TRPV3: variants seen among roughly 807,000 people sequenced by gnomAD.
The protein encoded by TRPV3 is transient receptor potential cation channel subfamily V member 3.
In TRPV3, 88 loss-of-function variants were observed where a neutral mutation model predicts 87.1. The ratio of observed to expected loss-of-function variants is 1.01; its 90% CI spans 0.85 to 1.21. TRPV3 has a LOEUF of 1.21. TRPV3 is among the 50% of genes most tolerant of loss of function. The probability of loss-of-function intolerance (pLI) is 0.00; values close to 1 mark genes in which losing one functional copy is unlikely to be tolerated. For missense variants in TRPV3, 1,054 were observed against 1,030.1 expected, an observed-to-expected ratio of 1.02 and a Z score of -0.32; for synonymous variants, 438 against 423.3, an observed-to-expected ratio of 1.03 and a Z score of -0.43.
Position 3,528,067 on chromosome 17 carries a change from C to G in TRPV3, c.1461G>C (p.Arg487Ser). 6.2e-7 allele frequency: 1 copy of G among 1,613,782 alleles called. No homozygotes were observed. Among genetic ancestry groups the G allele is most frequent in the Non-Finnish European group, 8.5e-7 (1 of 1,179,960 alleles). ...HKMGWLQLLG[R>S]MFVLIWAMCI... is the part of the protein sequence containing the mutation. The stretch of plus-strand genomic sequence containing the variant: ...ACATGGCCCAGATGAGCACAAACAT[C>G]CTCCCTAGGAGCTGCAGCCACCCCA... The change falls in exon 11 of 18, where the codon AGG becomes AGC. Residue 487 changes from arginine to serine, a missense_variant. Arg to Ser is a moderately radical substitution (Grantham distance 110). Coordinates refer to ENST00000576742, the MANE Select transcript of TRPV3 (RefSeq NM_145068.4). The surrounding 1 kb of genome is among the most constrained non-coding windows in gnomAD (Gnocchi z 4.2).
chr17:3,531,401 A>T (rs975682791), intron 8 of TRPV3, among the ~76,000 whole-genome samples: 2 of 152,064 alleles, frequency 1.3e-5, no homozygotes, highest in African/African-American at 4.8e-5. Context: ...GCTTCTAGGG[A>T]TAAGGCCAGG....
chr17:3,545,959 C>T (rs1026362312), intron 2 of TRPV3, among the ~76,000 whole-genome samples: 6 of 146,470 alleles, frequency 4.1e-5, no homozygotes, highest in African/African-American at 1.5e-4. Context: ...CACTGCACTC[C>T]AGGCTGCGTG....
chr17:3,553,533 G>A (rs2150809123), intron 2 of TRPV3: 1 of 152,938 alleles, frequency 6.5e-6, no homozygotes, highest in South Asian at 2.1e-4. Flanking sequence ...CCCACTCTGA[G>A]CCATGGCTCT....
At chr17:3,540,001 G>C (rs1443648762) in intron 6 of TRPV3, among the ~76,000 whole-genome samples, 1 of 151,774 alleles carries the variant, frequency 6.6e-6, no homozygotes, top group African/African-American at 2.4e-5. Flanking sequence ...CCTGAACCCG[G>C]GAGGCAGAGG....
chr17:3,555,891 C>T (rs138838420), intron 1 of TRPV3, among the ~76,000 whole-genome samples: 1 of 152,246 alleles, frequency 6.6e-6, no homozygotes, highest in East Asian at 1.9e-4. Flanking sequence ...AGAGCTGTGG[C>T]TTCAGGCAGG....
chr17:3,513,967 T>G lies in TRPV3; in HGVS notation c.2323A>C (p.Thr775Pro). 1 of 1,614,090 alleles carries G rather than the reference T, an allele frequency of 6.2e-7. No individual in the cohort carries two copies. The highest frequency in any genetic ancestry group is 8.5e-7 in the Non-Finnish European group (1 of 1,179,966). ...TCGACTTCTTCAAATGCATTGAGAG[T>G]GGTTTTGCTGTTGTTCCTGGAAGAA... ...QDSSRNNSKT[T>P]LNAFEEVEEF... Residue 775 changes from threonine (T) to proline (P), a missense_variant, in exon 18 of 18, where the codon ACT becomes CCT. Physicochemically the swap from Thr to Pro is conservative, Grantham distance 38. Coordinates refer to ENST00000576742, the MANE Select transcript of TRPV3 (RefSeq NM_145068.4).
Position 3,514,678 on chromosome 17 carries a change from A to C in TRPV3, c.2199-6T>G. The C allele has an allele frequency of 6.2e-7, 1 of 1,609,848 alleles. No individual in the cohort carries two copies. The highest frequency in any genetic ancestry group is 1.7e-5 in the Admixed American group (1 of 59,996). On this transcript the variant is annotated splice_region_variant and splice_polypyrimidine_tract_variant and intron_variant, in intron 16 of 17. Coordinates refer to ENST00000576742, the MANE Select transcript of TRPV3 (RefSeq NM_145068.4). ...TCCACTTCACCTCATTGATCCTGCAAATGTGATAATCATTCTTACTATTTC... is the reference window on the plus strand; with the variant it reads ...TCCACTTCACCTCATTGATCCTGCACATGTGATAATCATTCTTACTATTTC...
chr17:3,522,997 G>T (rs919558374), intron 13 of TRPV3, among the ~76,000 whole-genome samples: 2 of 151,918 alleles, frequency 1.3e-5, no homozygotes, highest in Non-Finnish European at 1.5e-5. Flanking sequence ...TTCATGGGGG[G>T]TCTTAGAACA....
chr17:3,522,088 A>G (rs1308408746), intron 13 of TRPV3, among the ~76,000 whole-genome samples: 4 of 152,126 alleles, frequency 2.6e-5, no homozygotes, highest in Non-Finnish European at 4.4e-5. Flanking sequence ...AAAATTAATT[A>G]ATTAATTAAT....
chr17:3,546,564 T>C lies in TRPV3; in HGVS notation c.120-1293A>G. The C allele has an allele frequency of 6.8e-6, 3 of 438,810 alleles. No individual in the cohort carries two copies. The Admixed American group carries it at 7.2e-5, about 11-fold the overall frequency. The allele number at this position is 438,810 out of a possible 1,614,324, so 27.2% of individuals were successfully genotyped here. On this transcript the variant is annotated intron_variant, in intron 2 of 17. Transcript: ENST00000576742. ...TCTCCTCTTGTCCTGTAGTGTCAAT[T>C]AGCTGCTAATTTACAATGTCAAGGT...
rs112244087 is a variant in TRPV3 at position 3,556,032 on chromosome 17, C to T, written c.-2-1180G>A. Reference sequence around the variant, plus strand: ...TCTCTACTAAAATACAAAAAATTAGCCGGGCATGGTGGTACATGCCTGTAG... The same window carrying T: ...TCTCTACTAAAATACAAAAAATTAGTCGGGCATGGTGGTACATGCCTGTAG... On this transcript the variant is annotated intron_variant, in intron 1 of 17. Coordinates refer to ENST00000576742, the MANE Select transcript of TRPV3 (RefSeq NM_145068.4). This position sits in a 1 kb window ranked among gnomAD's most constrained non-coding sequence, Gnocchi z 4.2. Among the ~76,000 whole-genome samples the T allele has an allele frequency of 5.5e-4, 83 of 152,126 alleles. 2 individuals are homozygous for T. The highest frequency in any genetic ancestry group is 2.0e-3 in the African/African-American group (82 of 41,502).
rs34610978 is a variant in TRPV3 at position 3,517,619 on chromosome 17, C to CAAAAA, written c.2085+952_2085+956dup. ...TGGGCAACAGAGCAAGACCCTGTCT[C>CAAAAA]AAAAAAAAAAAAAAAAAAAAAAGGA... On this transcript the variant is annotated intron_variant, in intron 15 of 17. Transcript: ENST00000576742. Among the ~76,000 whole-genome samples, 44 of 65,360 alleles carry CAAAAA rather than the reference C, an allele frequency of 6.7e-4. 1 individual carries two copies. Among genetic ancestry groups the CAAAAA allele is most frequent in the African/African-American group, 2.9e-3 (43 of 14,714 alleles). 42.9% of individuals were successfully genotyped at this position (65,360 alleles called of 152,430 possible). A position where few individuals can be genotyped will look rare whatever the true frequency, so the allele number is the denominator to read the frequency against.
chr17:3,549,978 GTGGATAGATGA>G (rs1334130215), intron 2 of TRPV3, among the ~76,000 whole-genome samples: 3 of 147,950 alleles, frequency 2.0e-5, no homozygotes, highest in Non-Finnish European at 4.5e-5. Context: ...AGGTAGATGA[GTGGATAGATGA>G]TGGATGGATG....
intron 8 of TRPV3, among the ~76,000 whole-genome samples, chr17:3,532,218 T>C (rs2074354962): frequency 6.6e-6 from 1 of 151,986 alleles, no homozygotes; most frequent in Non-Finnish European, 1.5e-5. Flanking sequence ...TGGCACAGAG[T>C]TCCAACCGCA....
At chr17:3,521,993 T>C (rs566821826) in intron 13 of TRPV3, among the ~76,000 whole-genome samples, 43 of 152,208 alleles carry the variant, frequency 2.8e-4, no homozygotes, top group African/African-American at 1.0e-3. Flanking sequence ...GGAGAATTGC[T>C]TGAACCCAGG....
intron 2 of TRPV3, among the ~76,000 whole-genome samples, chr17:3,549,941 TGATGTATGGATG>T (rs748579874): frequency 3.4e-5 from 5 of 146,926 alleles, no homozygotes; most frequent in Non-Finnish European, 7.5e-5. Flanking sequence ...GATGGACAGA[TGATGTATGGATG>T]GATGGATGGA....
intron 17 of TRPV3, 53 bp from the exon 18 acceptor site, chr17:3,514,064 TTTC>T (rs778636195): frequency 1.3e-5 from 19 of 1,418,512 alleles, no homozygotes; most frequent in Admixed American, 4.4e-5. Context: ...GCATAGTGTG[TTTC>T]TTTTTTCTTT....
At chr17:3,545,469 T>C (rs2150803206) in intron 2 of TRPV3, among the ~76,000 whole-genome samples, 198 bp from the exon 3 acceptor site, 1 of 152,198 alleles carries the variant, frequency 6.6e-6, no homozygotes, top group East Asian at 1.9e-4. Context: ...TCACAGATGG[T>C]CTCCAGGGAG....
At chr17:3,520,012 GGACGGATA>G (rs1205699694) in intron 14 of TRPV3, among the ~76,000 whole-genome samples, 1 of 64,046 alleles carries the variant, frequency 1.6e-5, no homozygotes, top group Non-Finnish European at 5.0e-5. Context: ...ATGGATGGAT[GGACGGATA>G]GACAGGTGGA....
Sources: gnomAD v4.1 joint callset for allele counts (sites outside exome capture counted in the v4.1 genomes callset) on GRCh38, gnomAD v4.1.1 for gene constraint, Gnocchi (gnomAD v3.1) non-coding constraint, MANE v1.5 for transcripts, NCBI Gene and HGNC (gene_info 2026-07-23, HGNC 2026-07-21) for gene names.